STK32B: variants seen among roughly 807,000 people sequenced by gnomAD.
The protein encoded by STK32B is serine/threonine-protein kinase 32B.
A neutral mutation model predicts 52.6 loss-of-function variants in STK32B; 43 were observed. The ratio of observed to expected loss-of-function variants is 0.82; its 90% CI spans 0.64 to 1.05. The LOEUF is 1.05. STK32B is among the 50% of genes least tolerant of loss of function. The pLI, the probability that STK32B is intolerant of heterozygous loss-of-function variation, is 0.00. For synonymous variants in STK32B, 238 were observed against 204.3 expected, an observed-to-expected ratio of 1.17 and a Z score of -1.41; for missense variants, 621 against 534.6, an observed-to-expected ratio of 1.16 and a Z score of -1.59.
At chr4:5,425,458 AT>A (rs1480884896) in intron 6 of STK32B, among the ~76,000 whole-genome samples, 2 of 65,752 alleles carry the variant, frequency 3.0e-5, no homozygotes, top group African/African-American at 9.7e-5. Flanking sequence ...CCTGAGAACC[AT>A]TCATTCATTC....
chr4:5,190,352 C>T (rs1364042283), intron 3 of STK32B, among the ~76,000 whole-genome samples: 1 of 152,146 alleles, frequency 6.6e-6, no homozygotes, highest in Non-Finnish European at 1.5e-5. Context: ...CTTCACCAGA[C>T]CCCTGTTAGG....
At position 5,084,017 on chromosome 4, in the gene STK32B, G is replaced by T. The variant is rs1271273333; in HGVS notation, c.52+32102G>T. 3.3e-5 allele frequency among the ~76,000 whole-genome samples: 5 copies of T among 152,186 alleles called. No individual in the cohort carries two copies. The South Asian group carries it at 1.0e-3, about 32-fold the overall frequency. ...CTTGCAATGTGCTGAGATTGCAGGC[G>T]TGAGCCACCATGCCCAGTCTGTTAC... is the stretch of plus-strand genomic sequence containing the variant. On this transcript the variant is annotated intron_variant, in intron 1 of 11. Coordinates refer to ENST00000282908, the MANE Select transcript of STK32B (RefSeq NM_018401.3).
intron 3 of STK32B, among the ~76,000 whole-genome samples, chr4:5,241,865 C>T (rs375961849): frequency 1.7e-4 from 26 of 152,034 alleles, no homozygotes; most frequent in South Asian, 2.1e-4. Context: ...CTGAGAATGA[C>T]GGTTTCCAGC....
At chr4:5,187,623 G>A (rs1177820831) in intron 3 of STK32B, among the ~76,000 whole-genome samples, 8 of 147,072 alleles carry the variant, frequency 5.4e-5, no homozygotes, top group African/African-American at 2.0e-4. Context: ...CCGGGCGGGG[G>A]AGGGGGGGGA....
intron 2 of STK32B, among the ~76,000 whole-genome samples, chr4:5,163,052 C>T (rs998441914): frequency 6.6e-6 from 1 of 152,198 alleles, no homozygotes; most frequent in Non-Finnish European, 1.5e-5. Flanking sequence ...ACATGATAGA[C>T]CGAGCATGTA....
intron 11 of STK32B, among the ~76,000 whole-genome samples, chr4:5,495,300 TC>T (rs1361017420): frequency 1.3e-5 from 2 of 152,300 alleles, no homozygotes; most frequent in Non-Finnish European, 2.9e-5. Flanking sequence ...TCTCTAAACT[TC>T]CCTTCTCACT....
chr4:5,329,553 A>T (rs1270340736), intron 3 of STK32B, among the ~76,000 whole-genome samples: 3 of 151,976 alleles, frequency 2.0e-5, no homozygotes, highest in African/African-American at 7.3e-5. Flanking sequence ...ACTCGCCTGC[A>T]CCCTGGAAAG....
chr4:5,459,406 C>G (rs1349758145), intron 8 of STK32B, among the ~76,000 whole-genome samples: 2 of 151,884 alleles, frequency 1.3e-5, no homozygotes, highest in Non-Finnish European at 2.9e-5. Context: ...AGGCAATGAG[C>G]CCAGGGCACC....
intron 3 of STK32B, among the ~76,000 whole-genome samples, chr4:5,320,311 G>A (rs1458835601): frequency 6.6e-6 from 1 of 152,046 alleles, no homozygotes; most frequent in East Asian, 1.9e-4. Context: ...CCTGCAGAAC[G>A]CCTCTGCACT....
rs528694427 is a variant in STK32B, at chr4:5,100,890, T to A, written c.53-39015T>A. ...CCTTCCTTCCTTCCTTCCTTCTTCC[T>A]TTCTTTTCCTTTTTCCTTTCCTTTC... is the stretch of plus-strand genomic sequence containing the variant. On this transcript the variant is annotated intron_variant, in intron 1 of 11. Coordinates refer to ENST00000282908, the MANE Select transcript of STK32B (RefSeq NM_018401.3). 2.6e-5 allele frequency among the ~76,000 whole-genome samples: 4 copies of A among 151,672 alleles called. No homozygotes were observed. In the South Asian group the frequency reaches 8.4e-4, roughly 32 times the overall value.
intron 4 of STK32B, among the ~76,000 whole-genome samples, chr4:5,342,404 C>A (rs934563586): frequency 6.6e-6 from 1 of 152,100 alleles, no homozygotes; most frequent in Non-Finnish European, 1.5e-5. Context: ...TTTGTAGGGA[C>A]GTAAATGAAG....
chr4:5,387,075 G>A (rs1403080551), intron 4 of STK32B, among the ~76,000 whole-genome samples: 1 of 152,190 alleles, frequency 6.6e-6, no homozygotes, highest in Non-Finnish European at 1.5e-5. Context: ...CATCAGACGA[G>A]AGCTGGGCGG....
chr4:5,219,577 G>C (rs184296895), intron 3 of STK32B, among the ~76,000 whole-genome samples: 3 of 152,354 alleles, frequency 2.0e-5, no homozygotes, highest in Non-Finnish European at 2.9e-5. Context: ...GTGAGTATCA[G>C]GACAATCGGC....
intron 3 of STK32B, among the ~76,000 whole-genome samples, chr4:5,239,396 A>G (rs1577229646): frequency 6.6e-6 from 1 of 152,136 alleles, no homozygotes; most frequent in Admixed American, 6.5e-5. Context: ...CCGTCTGTCC[A>G]GGTGATTTGT....
chr4:5,228,597 A>G (rs1232264542), intron 3 of STK32B, among the ~76,000 whole-genome samples: 1 of 152,186 alleles, frequency 6.6e-6, no homozygotes, highest in Non-Finnish European at 1.5e-5. Flanking sequence ...AGTGCAGTTC[A>G]GTTCCAGACC....
chr4:5,349,797 A>C (rs757119725), intron 4 of STK32B, among the ~76,000 whole-genome samples: 44 of 152,306 alleles, frequency 2.9e-4, no homozygotes, highest in Non-Finnish European at 5.1e-4. Flanking sequence ...TATAAAAAAC[A>C]ACCAAGCAGA....
At position 5,184,126 on chromosome 4, in the gene STK32B, C is replaced by T. The variant is rs144650071; in HGVS notation, c.260+15676C>T. ...CGGCAAAAGAACCCCAGCTTTTAACCTATTTTGGCTTTTCACATGCCTTCC... is the reference window on the plus strand; with the variant it reads ...CGGCAAAAGAACCCCAGCTTTTAACTTATTTTGGCTTTTCACATGCCTTCC... On this transcript the variant is annotated intron_variant, in intron 3 of 11. Transcript: ENST00000282908. Among the ~76,000 whole-genome samples the T allele has an allele frequency of 4.7e-3, 720 of 152,290 alleles. 6 individuals are homozygous for T. The highest frequency in any genetic ancestry group is 0.027 in the Middle Eastern group (8 of 294).
At chr4:5,307,843 T>C (rs976780117) in intron 3 of STK32B, among the ~76,000 whole-genome samples, 1 of 152,088 alleles carries the variant, frequency 6.6e-6, no homozygotes, top group Non-Finnish European at 1.5e-5. Flanking sequence ...TGCTTTCCCC[T>C]TTCCCCTAGG....
intron 6 of STK32B, among the ~76,000 whole-genome samples, chr4:5,425,730 CATAG>C (rs1457337978): frequency 2.0e-5 from 3 of 152,160 alleles, no homozygotes; most frequent in Admixed American, 1.3e-4. Flanking sequence ...CACATACAGT[CATAG>C]ATAAACACCA....
Sources: gnomAD v4.1 joint callset for allele counts (sites outside exome capture counted in the v4.1 genomes callset) on GRCh38, gnomAD v4.1.1 for gene constraint, MANE v1.5 for transcripts, NCBI Gene and HGNC (gene_info 2026-07-23, HGNC 2026-07-21) for gene names.